SGCZ: variants seen among roughly 807,000 people sequenced by gnomAD.
The protein encoded by SGCZ is sarcoglycan zeta.
Under a neutral mutation model 41.3 loss-of-function variants are expected in SGCZ, and 40 were observed. The observed-to-expected ratio is 0.97, with a 90% CI of 0.75 to 1.26. The LOEUF is 1.26. Ranked by LOEUF, SGCZ falls within the 50% of genes most tolerant of loss-of-function variation. The pLI is 0.00. For missense variants in SGCZ, 552 were observed against 369.8 expected (o/e 1.49, Z -4.04); for synonymous variants, 206 against 137.5 (o/e 1.50, Z -3.49).
chr8:14,230,743 C>T, intron 4 of SGCZ, among the ~76,000 whole-genome samples: 1 of 138,824 alleles, frequency 7.2e-6, no homozygotes, highest in Non-Finnish European at 1.6e-5. Context: ...TGTCTTCTTT[C>T]CTTCTTTTTT....
At chr8:14,782,899 G>C (rs1454752675) in intron 1 of SGCZ, among the ~76,000 whole-genome samples, 5 of 152,082 alleles carry the variant, frequency 3.3e-5, no homozygotes, top group African/African-American at 9.7e-5. Context: ...ATCTAATCTA[G>C]AAATAAGATG....
At chr8:14,903,208 T>C (rs1304528367) in intron 1 of SGCZ, among the ~76,000 whole-genome samples, 1 of 152,068 alleles carries the variant, frequency 6.6e-6, no homozygotes, top group Non-Finnish European at 1.5e-5. Flanking sequence ...AGAACTGAAA[T>C]TTCATCAAGC....
chr8:14,715,496 G>C (rs1057233960), intron 1 of SGCZ, among the ~76,000 whole-genome samples: 1 of 151,504 alleles, frequency 6.6e-6, no homozygotes, highest in Non-Finnish European at 1.5e-5. Context: ...CAAAAAACTA[G>C]AGCCCAAGTA....
chr8:15,207,149 G>C (rs774058076), intron 1 of SGCZ, among the ~76,000 whole-genome samples: 8 of 152,174 alleles, frequency 5.3e-5, no homozygotes, highest in Non-Finnish European at 8.8e-5. Context: ...GACGTTAACA[G>C]AGTAAGCGAG....
intron 2 of SGCZ, among the ~76,000 whole-genome samples, chr8:14,518,515 G>A (rs1416433066): frequency 6.6e-6 from 1 of 151,982 alleles, no homozygotes; most frequent in South Asian, 2.1e-4. Context: ...TGCAGAATTT[G>A]GGAAAATCAG....
At chr8:15,203,834 C>G (rs1464061286) in intron 1 of SGCZ, among the ~76,000 whole-genome samples, 1 of 152,122 alleles carries the variant, frequency 6.6e-6, no homozygotes, top group Non-Finnish European at 1.5e-5. Flanking sequence ...AATGAAATAA[C>G]TATAATTTTG....
intron 3 of SGCZ, among the ~76,000 whole-genome samples, chr8:14,271,785 A>C (rs528828779): frequency 6.6e-6 from 1 of 152,274 alleles, no homozygotes; most frequent in East Asian, 1.9e-4. Context: ...ATCCTGATTC[A>C]TATCTACTGT....
intron 2 of SGCZ, among the ~76,000 whole-genome samples, chr8:14,382,326 G>A (rs1208581375): frequency 5.3e-5 from 8 of 152,050 alleles, no homozygotes; most frequent in Admixed American, 6.6e-5. Flanking sequence ...GATTGTTTGC[G>A]TAAGGCCCAA....
intron 4 of SGCZ, among the ~76,000 whole-genome samples, chr8:14,194,932 G>T (rs1805217887): frequency 1.3e-5 from 2 of 152,004 alleles, no homozygotes; most frequent in African/African-American, 2.4e-5. Flanking sequence ...ATCTGCCAAA[G>T]AAACCTCACG....
chr8:14,470,971 A>G (rs1258299357), intron 2 of SGCZ, among the ~76,000 whole-genome samples: 1 of 152,160 alleles, frequency 6.6e-6, no homozygotes, highest in Non-Finnish European at 1.5e-5. Flanking sequence ...CATCAGTACC[A>G]GTAAGAGGCG....
At chr8:14,401,306 C>T (rs987868475) in intron 2 of SGCZ, among the ~76,000 whole-genome samples, 1 of 150,738 alleles carries the variant, frequency 6.6e-6, no homozygotes, top group African/African-American at 2.4e-5. Flanking sequence ...AATTATTATA[C>T]TTTAAGTTTT....
At chr8:14,451,353 TAGC>T (rs1328088591) in intron 2 of SGCZ, among the ~76,000 whole-genome samples, 1 of 152,224 alleles carries the variant, frequency 6.6e-6, no homozygotes, top group East Asian at 1.9e-4. Context: ...AATCTATTGT[TAGC>T]AGTGAAATCC....
intron 4 of SGCZ, among the ~76,000 whole-genome samples, chr8:14,193,358 A>G (rs1407208422): frequency 1.3e-5 from 2 of 151,414 alleles, no homozygotes; most frequent in Non-Finnish European, 3.0e-5. Context: ...ATGTTTGACC[A>G]TTGTTTTTCA....
chr8:15,055,380 G>A (rs957040048), intron 1 of SGCZ, among the ~76,000 whole-genome samples: 1 of 152,016 alleles, frequency 6.6e-6, no homozygotes, highest in Non-Finnish European at 1.5e-5. Context: ...TCATAGTTAT[G>A]GCAGACCTTG....
chr8:14,832,688 T>C (rs1802573247), intron 1 of SGCZ, among the ~76,000 whole-genome samples: 1 of 152,258 alleles, frequency 6.6e-6, no homozygotes, highest in Middle Eastern at 3.4e-3. Flanking sequence ...CCAGAGTATA[T>C]GGGTGTGTTG....
At chr8:14,927,747 T>G (rs1388244241) in intron 1 of SGCZ, among the ~76,000 whole-genome samples, 2 of 152,160 alleles carry the variant, frequency 1.3e-5, no homozygotes, top group African/African-American at 4.8e-5. Flanking sequence ...ATTGAAGACT[T>G]GAAAGCAAAA....
chr8:14,577,658 G>A lies in SGCZ; in HGVS notation c.40-22732C>T, dbSNP rs185283004. Among the ~76,000 whole-genome samples, 718 of 152,182 alleles carry A rather than the reference G, an allele frequency of 4.7e-3. 10 individuals carry two copies. The highest frequency in any genetic ancestry group is 0.016 in the African/African-American group (670 of 41,516). Reference sequence around the variant, plus strand: ...CCGCCTCAGCCTCCCAAAGTGCTGGGATTACAGCCGTGAGCCACGGCGCCT... The same window carrying A: ...CCGCCTCAGCCTCCCAAAGTGCTGGAATTACAGCCGTGAGCCACGGCGCCT... On this transcript the variant is annotated intron_variant, in intron 1 of 7. Transcript: ENST00000382080.
At chr8:14,709,255 A>T (rs1033951606) in intron 1 of SGCZ, among the ~76,000 whole-genome samples, 3 of 152,206 alleles carry the variant, frequency 2.0e-5, no homozygotes, top group African/African-American at 7.2e-5. Context: ...AAATTCTCAG[A>T]TAACAAATTT....
At chr8:14,648,751 G>C (rs888024902) in intron 1 of SGCZ, among the ~76,000 whole-genome samples, 1 of 151,938 alleles carries the variant, frequency 6.6e-6, no homozygotes, top group Non-Finnish European at 1.5e-5. Flanking sequence ...TTGCATCATA[G>C]TTCAGACTAC....
Sources: allele counts gnomAD v4.1 joint callset (sites outside exome capture counted in the v4.1 genomes callset), GRCh38; gene constraint gnomAD v4.1.1; transcripts MANE v1.5; gene names NCBI Gene and HGNC (gene_info 2026-07-23, HGNC 2026-07-21).